Variants in LRRC7 observed in about 807,000 individuals in gnomAD.
The protein encoded by LRRC7 is leucine rich repeat containing 7.
In LRRC7, 23 loss-of-function variants were observed where a neutral mutation model predicts 175.7. That is an observed-to-expected ratio of 0.13 (90% CI 0.09 to 0.19). The LOEUF is 0.19. Ranked by LOEUF, LRRC7 falls within the 10% of genes least tolerant of loss-of-function variation. LRRC7 has a pLI of 1.00. For synonymous variants in LRRC7, 685 were observed against 680.9 expected (o/e 1.01, Z -0.09); for missense variants, 1,354 against 1,904.7 (o/e 0.71, Z 5.38).
At chr1:69,719,078 A>G (rs1027666061) in intron 2 of LRRC7, among the ~76,000 whole-genome samples, 20 of 151,802 alleles carry the variant, frequency 1.3e-4, no homozygotes, top group Admixed American at 1.2e-3. Flanking sequence ...GGATATCGTT[A>G]TTATAAACAC....
At chr1:69,608,848 CTCTCTCTCTCTCTCTCTCTATATATA>C (rs1397936533) in intron 1 of LRRC7, among the ~76,000 whole-genome samples, 3,829 of 52,182 alleles carry the variant, frequency 0.073, 36 homozygotes, top group Admixed American at 0.08. Flanking sequence ...CTCTCTCTCT[CTCTCTCTCTCTCTCTCTCTATATATA>C]TATATATATA....
intron 3 of LRRC7, among the ~76,000 whole-genome samples, chr1:69,775,884 A>C (rs1672753860): frequency 1.3e-5 from 2 of 152,200 alleles, no homozygotes; most frequent in Non-Finnish European, 2.9e-5. Flanking sequence ...GCAGTTCCCC[A>C]GATTATGAGA....
intron 4 of LRRC7, among the ~76,000 whole-genome samples, chr1:69,794,919 G>A (rs980565869): frequency 2.0e-5 from 3 of 152,116 alleles, no homozygotes; most frequent in Non-Finnish European, 4.4e-5. Flanking sequence ...TTATGATTCT[G>A]TATTTTCTGG....
chr1:69,924,359 T>G (rs1646990385), intron 7 of LRRC7, among the ~76,000 whole-genome samples: 1 of 152,196 alleles, frequency 6.6e-6, no homozygotes, highest in Non-Finnish European at 1.5e-5. Flanking sequence ...GGTAGCTTGA[T>G]GGGGATGGCA....
chr1:69,866,493 C>T (rs915192912), intron 7 of LRRC7, among the ~76,000 whole-genome samples: 12 of 152,178 alleles, frequency 7.9e-5, no homozygotes, highest in African/African-American at 2.9e-4. Flanking sequence ...AATCTGATGG[C>T]ATTCAGACTT....
At chr1:69,816,031 G>C (rs1234191931) in intron 4 of LRRC7, among the ~76,000 whole-genome samples, 1 of 151,482 alleles carries the variant, frequency 6.6e-6, no homozygotes, top group African/African-American at 2.4e-5. Flanking sequence ...CCCAGGCTGG[G>C]GTGCAGTGGC....
chr1:69,902,759 TTATTC>T (rs1333480514), intron 7 of LRRC7, among the ~76,000 whole-genome samples: 19 of 152,226 alleles, frequency 1.2e-4, no homozygotes, highest in African/African-American at 4.6e-4. Context: ...AAATTAATCT[TTATTC>T]AATAAAATTC....
intron 8 of LRRC7, among the ~76,000 whole-genome samples, chr1:69,932,835 T>G (rs143097788): frequency 6.6e-6 from 1 of 152,226 alleles, no homozygotes; most frequent in Non-Finnish European, 1.5e-5. Flanking sequence ...GGCCTCAAGC[T>G]AGTTTTCAGA....
chr1:69,925,212 T>A (rs144877898), intron 7 of LRRC7, among the ~76,000 whole-genome samples: 1 of 152,198 alleles, frequency 6.6e-6, no homozygotes, highest in East Asian at 1.9e-4. Context: ...CAGTATTTTA[T>A]TGAGGATTTT....
At chr1:69,718,310 GAGA>G (rs751004374) in intron 2 of LRRC7, among the ~76,000 whole-genome samples, 35 of 151,624 alleles carry the variant, frequency 2.3e-4, no homozygotes, top group Admixed American at 9.9e-4. Flanking sequence ...AGGTAGAGAA[GAGA>G]AGAAGAACTT....
At chr1:69,903,786 A>T (rs1265844762) in intron 7 of LRRC7, among the ~76,000 whole-genome samples, 1 of 152,162 alleles carries the variant, frequency 6.6e-6, no homozygotes, top group Non-Finnish European at 1.5e-5. Context: ...AAGAGAGAAG[A>T]ATCAAATAGA....
chr1:69,939,247 A>AG (rs1309203952), intron 8 of LRRC7, among the ~76,000 whole-genome samples: 1 of 151,722 alleles, frequency 6.6e-6, no homozygotes, highest in Non-Finnish European at 1.5e-5. Flanking sequence ...GAAGGAGCAA[A>AG]GGGGGGACAC....
intron 2 of LRRC7, among the ~76,000 whole-genome samples, chr1:69,707,153 C>A (rs902680033): frequency 6.6e-6 from 1 of 152,116 alleles, no homozygotes; most frequent in Non-Finnish European, 1.5e-5. Flanking sequence ...TGTTGAGAAT[C>A]CTCCCATGTC....
intron 7 of LRRC7, among the ~76,000 whole-genome samples, chr1:69,845,395 A>C (rs943768362): frequency 1.3e-5 from 2 of 152,134 alleles, no homozygotes; most frequent in Non-Finnish European, 2.9e-5. Context: ...ATTATCACTC[A>C]AATTTCTAAA....
At chr1:70,078,824 G>GCA (rs769239262) in intron 24 of LRRC7, among the ~76,000 whole-genome samples, 4,112 of 130,844 alleles carry the variant, frequency 0.031, 70 homozygotes, top group Middle Eastern at 0.041. Flanking sequence ...ACACACACAC[G>GCA]CACACACACA....
At chr1:69,591,092 C>T (rs1646614326) in intron 1 of LRRC7, among the ~76,000 whole-genome samples, 1 of 151,956 alleles carries the variant, frequency 6.6e-6, no homozygotes, top group Non-Finnish European at 1.5e-5. Flanking sequence ...AAAATTAATT[C>T]TAAAAAATCC....
chr1:69,754,124 C>T (rs746241502), intron 2 of LRRC7, among the ~76,000 whole-genome samples: 46 of 152,064 alleles, frequency 3.0e-4, no homozygotes, highest in Non-Finnish European at 5.3e-4. Context: ...ACAATGAGAC[C>T]ATATCGTACT....
chr1:69,665,306 T>G (rs1658106132), intron 1 of LRRC7, among the ~76,000 whole-genome samples: 1 of 152,156 alleles, frequency 6.6e-6, no homozygotes, highest in African/African-American at 2.4e-5. Context: ...TGGTTTCATA[T>G]AAATTTTAAA....
chr1:69,949,425 T>G (rs977610045), intron 8 of LRRC7, among the ~76,000 whole-genome samples: 6 of 151,940 alleles, frequency 3.9e-5, no homozygotes. Flanking sequence ...TACAAAAAAT[T>G]AGCTGGCTGT....
Sources: allele counts gnomAD v4.1 joint callset (sites outside exome capture counted in the v4.1 genomes callset), GRCh38; gene constraint gnomAD v4.1.1; transcripts MANE v1.5; gene names NCBI Gene and HGNC (gene_info 2026-07-23, HGNC 2026-07-21).